Variants in CDH4 observed in about 807,000 individuals in gnomAD.
The protein encoded by CDH4 is cadherin-4.
Under a neutral mutation model 86.0 loss-of-function variants are expected in CDH4, and 33 were observed. The observed-to-expected ratio is 0.38, with a 90% CI of 0.29 to 0.51. The LOEUF is 0.51. CDH4 is among the 20% of genes least tolerant of loss of function. CDH4 has a pLI of 0.86. For missense variants in CDH4, 1,114 were observed against 1,307.4 expected (o/e 0.85, Z 2.28); for synonymous variants, 555 against 549.4 (o/e 1.01, Z -0.14).
In CDH4 at chr20:61,479,243, C is replaced by T. The variant is rs34789915; in HGVS notation, c.169+224306C>T. ...TACTTTAAGTTCTAGGGTACATGTG[C>T]ACAACATGCAGGTTTGTTACATATG... On this transcript the variant is annotated intron_variant, in intron 2 of 15. Coordinates refer to ENST00000614565, the MANE Select transcript of CDH4 (RefSeq NM_001794.5). 4.2e-3 allele frequency among the ~76,000 whole-genome samples: 638 copies of T among 152,032 alleles called. 1 individual carries two copies. The highest frequency in any genetic ancestry group is 0.012 in the South Asian group (57 of 4,816).
intron 2 of CDH4, among the ~76,000 whole-genome samples, chr20:61,665,005 T>C (rs777701026): frequency 1.1e-4 from 16 of 152,226 alleles, no homozygotes; most frequent in South Asian, 2.1e-4. Flanking sequence ...TACCAACCCA[T>C]TCGTCTGAGA....
intron 2 of CDH4, among the ~76,000 whole-genome samples, chr20:61,702,366 G>A (rs898252266): frequency 1.1e-4 from 17 of 152,168 alleles, no homozygotes; most frequent in Admixed American, 6.5e-5. Context: ...AGAGTTAGAC[G>A]AGGCAGGAGC....
chr20:61,909,354 C>T (rs1260384842), intron 8 of CDH4, among the ~76,000 whole-genome samples: 2 of 152,220 alleles, frequency 1.3e-5, no homozygotes, highest in Non-Finnish European at 2.9e-5. Flanking sequence ...AGAAGCCAGA[C>T]ACAAGTGCTG....
rs980343171 is a variant in CDH4 at position 61,393,032 on chromosome 20, G to T, written c.169+138095G>T. 6.6e-6 allele frequency among the ~76,000 whole-genome samples: 1 copy of T among 152,132 alleles called. No individual in the cohort carries two copies. The highest frequency in any genetic ancestry group is 1.9e-4 in the East Asian group (1 of 5,192). On this transcript the variant is annotated intron_variant, in intron 2 of 15. Transcript: ENST00000614565. The surrounding 1 kb of genome is among the most constrained non-coding windows in gnomAD (Gnocchi z 4.3). ...GGATAGAAAACGTGAGGACAGAGCA[G>T]CTGCGGGGCCCCTCGGTGATCAGGG... is the stretch of plus-strand genomic sequence containing the variant.
At chr20:61,527,276 A>G (rs1026772451) in intron 2 of CDH4, among the ~76,000 whole-genome samples, 1 of 151,638 alleles carries the variant, frequency 6.6e-6, no homozygotes, top group Non-Finnish European at 1.5e-5. Flanking sequence ...TTTGAGGCAG[A>G]GTCTCACTCT....
chr20:61,863,570 A>G (rs1983420811), intron 6 of CDH4, among the ~76,000 whole-genome samples: 1 of 152,102 alleles, frequency 6.6e-6, no homozygotes, highest in African/African-American at 2.4e-5. Flanking sequence ...CCTCTGTGGA[A>G]CGGAGCCCTG....
chr20:61,471,650 ATAAACTTCC>A (rs2085504328), intron 2 of CDH4, among the ~76,000 whole-genome samples: 1 of 151,984 alleles, frequency 6.6e-6, no homozygotes, highest in Admixed American at 6.6e-5. Context: ...GCTTATAGCT[ATAAACTTCC>A]CTCTTAGTAC....
chr20:61,460,590 G>A (rs372177898), intron 2 of CDH4, among the ~76,000 whole-genome samples: 43 of 152,346 alleles, frequency 2.8e-4, no homozygotes, highest in African/African-American at 5.3e-4. Flanking sequence ...AGGCTGCAAA[G>A]GCCAGGCCGC....
intron 2 of CDH4, among the ~76,000 whole-genome samples, chr20:61,415,534 G>T (rs565201272): frequency 2.0e-5 from 3 of 151,924 alleles, no homozygotes; most frequent in East Asian, 3.9e-4. Context: ...ACTCCCAGCC[G>T]CACTCTCCCC....
chr20:61,677,683 G>A (rs989827216), intron 2 of CDH4, among the ~76,000 whole-genome samples: 4 of 151,608 alleles, frequency 2.6e-5, no homozygotes, highest in Non-Finnish European at 5.9e-5. Context: ...GTGGACAGAC[G>A]GACGGACGGA....
intron 2 of CDH4, among the ~76,000 whole-genome samples, chr20:61,525,691 T>C (rs930036380): frequency 3.3e-5 from 5 of 152,216 alleles, no homozygotes; most frequent in African/African-American, 9.6e-5. Context: ...TATGTTCTTA[T>C]TGATTAGCTG....
rs527829665 is a variant in CDH4, at chr20:61,783,572, G to T, written c.576+10390G>T. On this transcript the variant is annotated intron_variant, in intron 4 of 15. Coordinates refer to ENST00000614565, the MANE Select transcript of CDH4 (RefSeq NM_001794.5). ...TCCTGTGCCCCTGGGAGAAATGTAA[G>T]CCCAGTTCCTCAGGACAGTTCTCGA... is the stretch of plus-strand genomic sequence containing the variant. Among the ~76,000 whole-genome samples the T allele has an allele frequency of 7.8e-4, 107 of 137,956 alleles. 3 individuals carry two copies. The highest frequency in any genetic ancestry group is 2.0e-3 in the African/African-American group (75 of 37,658). The allele number at this position is 137,956 out of a possible 152,430, so 90.5% of individuals were successfully genotyped here.
intron 2 of CDH4, among the ~76,000 whole-genome samples, chr20:61,477,580 C>A (rs1269121759): frequency 6.6e-6 from 1 of 152,214 alleles, no homozygotes; most frequent in African/African-American, 2.4e-5. Context: ...GTCCACATCC[C>A]GCCTTCCTTG....
rs1000194537 is a variant in CDH4, at chr20:61,672,455, C to T, written c.170-71108C>T. ...CCCTCCGCAAAGTCAGACACACAGA[C>T]TTCAATCAGGTGTGTATGTGTTGCA... is the stretch of plus-strand genomic sequence containing the variant. On this transcript the variant is annotated intron_variant, in intron 2 of 15. Coordinates refer to ENST00000614565, the MANE Select transcript of CDH4 (RefSeq NM_001794.5). Among the ~76,000 whole-genome samples the T allele has an allele frequency of 1.1e-4, 16 of 152,190 alleles. No individual in the cohort carries two copies. In the East Asian group the frequency reaches 2.1e-3, roughly 20 times the overall value.
intron 2 of CDH4, among the ~76,000 whole-genome samples, chr20:61,477,266 G>A (rs1234609512): frequency 6.6e-6 from 1 of 152,230 alleles, no homozygotes; most frequent in Non-Finnish European, 1.5e-5. Flanking sequence ...CAAATGCAGT[G>A]CAAGGGGGCA....
chr20:61,932,221 G>GC (rs888090152), intron 13 of CDH4, among the ~76,000 whole-genome samples: 5 of 152,134 alleles, frequency 3.3e-5, no homozygotes, highest in Non-Finnish European at 7.4e-5. Context: ...GGGCCCCTCA[G>GC]CCCCCCATGT....
At chr20:61,735,752 CTCTTCTT>C (rs1361961257) in intron 2 of CDH4, among the ~76,000 whole-genome samples, 5 of 152,314 alleles carry the variant, frequency 3.3e-5, no homozygotes, top group Admixed American at 6.5e-5. Context: ...TGACATTCCT[CTCTTCTT>C]TCTTCTTTCT....
intron 2 of CDH4, among the ~76,000 whole-genome samples, chr20:61,374,665 C>T (rs530386814): frequency 5.3e-5 from 8 of 152,288 alleles, no homozygotes; most frequent in Admixed American, 4.6e-4. Flanking sequence ...TAGAATTTAA[C>T]CTGAAAGATC....
intron 6 of CDH4, among the ~76,000 whole-genome samples, chr20:61,866,051 G>A (rs1177315166): frequency 6.6e-6 from 1 of 152,178 alleles, no homozygotes; most frequent in African/African-American, 2.4e-5. Context: ...TGGCACTGAG[G>A]TCATCAAGGG....
Sources: gnomAD v4.1 joint callset for allele counts (sites outside exome capture counted in the v4.1 genomes callset) on GRCh38, gnomAD v4.1.1 for gene constraint, Gnocchi (gnomAD v3.1) non-coding constraint, MANE v1.5 for transcripts, NCBI Gene and HGNC (gene_info 2026-07-23, HGNC 2026-07-21) for gene names.